CBX1: variants seen among roughly 807,000 people sequenced by gnomAD.
CBX1 encodes chromobox 1.
CBX1 carries 10 observed loss-of-function variants against 25.1 expected under a neutral mutation model. That is an observed-to-expected ratio of 0.40 (90% CI 0.25 to 0.68). The LOEUF (loss-of-function observed/expected upper bound fraction) is 0.68, where lower values mean the gene tolerates loss of function less well. CBX1 is among the 30% of genes least tolerant of loss of function. The pLI is 0.40. For missense variants in CBX1, 106 were observed against 218.5 expected (o/e 0.49, Z 3.25); for synonymous variants, 63 against 79.4 (o/e 0.79, Z 1.10).
intron 1 of CBX1, among the ~76,000 whole-genome samples, chr17:48,090,075 TTTGTA>T (rs2063336394): frequency 2.0e-5 from 3 of 151,590 alleles, no homozygotes; most frequent in Admixed American, 2.0e-4. Context: ...CTGGCTAATT[TTTGTA>T]TTTTTAGTAG....
intron 1 of CBX1, among the ~76,000 whole-genome samples, chr17:48,080,944 A>T (rs2037726803): frequency 2.2e-5 from 1 of 45,028 alleles, no homozygotes; most frequent in Non-Finnish European, 3.8e-5. Context: ...AAAAAAAAAA[A>T]AAAAAAAATA....
At chr17:48,080,951 A>AAATAT (rs1567765514) in intron 1 of CBX1, among the ~76,000 whole-genome samples, 3 of 33,274 alleles carry the variant, frequency 9.0e-5, no homozygotes, top group Non-Finnish European at 1.6e-4. Context: ...AAAAAAAAAA[A>AAATAT]ATATATATAT....
chr17:48,099,271 T>C (rs1298539564), intron 1 of CBX1, among the ~76,000 whole-genome samples: 1 of 152,048 alleles, frequency 6.6e-6, no homozygotes, highest in East Asian at 1.9e-4. Context: ...CCCAGCTAAT[T>C]TTGTATTTTT....
chr17:48,080,190 C>T (rs1488906947), intron 1 of CBX1, among the ~76,000 whole-genome samples: 1 of 152,084 alleles, frequency 6.6e-6, no homozygotes, highest in Non-Finnish European at 1.5e-5. Context: ...GCACCTGCCA[C>T]CAGGCCCAGT....
chr17:48,090,696 C>T, intron 1 of CBX1, among the ~76,000 whole-genome samples: 1 of 152,290 alleles, frequency 6.6e-6, no homozygotes, highest in South Asian at 2.1e-4. Context: ...CATTACCTTG[C>T]GCTTTGCCCA....
chr17:48,089,880 G>A (rs1325160030), intron 1 of CBX1, among the ~76,000 whole-genome samples: 1 of 151,348 alleles, frequency 6.6e-6, no homozygotes, highest in Non-Finnish European at 1.5e-5. Context: ...AAGAAAGGAA[G>A]TAAATTCTGG....
intron 1 of CBX1, among the ~76,000 whole-genome samples, chr17:48,091,988 T>C (rs2063346620): frequency 1.5e-5 from 2 of 135,866 alleles, no homozygotes; most frequent in East Asian, 2.1e-4. Flanking sequence ...CAGATCTTTT[T>C]TTTTTTTTTT....
At chr17:48,078,766 G>A (rs1418296863) in intron 1 of CBX1, among the ~76,000 whole-genome samples, 2 of 148,784 alleles carry the variant, frequency 1.3e-5, no homozygotes, top group South Asian at 2.1e-4. Context: ...GGGATTACAA[G>A]CGTGAGCCAC....
At chr17:48,079,143 C>G (rs1382971578) in intron 1 of CBX1, among the ~76,000 whole-genome samples, 1 of 149,242 alleles carries the variant, frequency 6.7e-6, no homozygotes, top group Non-Finnish European at 1.5e-5. Context: ...GAGTCTCACT[C>G]CAGCCGGGCT....
At chr17:48,091,914 G>A (rs2063345747) in intron 1 of CBX1, among the ~76,000 whole-genome samples, 1 of 151,034 alleles carries the variant, frequency 6.6e-6, no homozygotes, top group South Asian at 2.1e-4. Context: ...CCTGACCTCA[G>A]GTGATCCACT....
chr17:48,098,009 C>G (rs1308012721), intron 1 of CBX1, among the ~76,000 whole-genome samples: 1 of 152,152 alleles, frequency 6.6e-6, no homozygotes, highest in Non-Finnish European at 1.5e-5. Flanking sequence ...CGGCCAGTTG[C>G]ACAGCCTGTA....
At chr17:48,076,749 C>A in intron 2 of CBX1, 116 bp downstream of exon 2, 1 of 844,094 alleles carries the variant, frequency 1.2e-6, no homozygotes, top group East Asian at 2.7e-5. Context: ...AAACAATAAG[C>A]CATGAAGGTG....
At chr17:48,084,211 T>C (rs1463307390) in intron 1 of CBX1, among the ~76,000 whole-genome samples, 2 of 79,280 alleles carry the variant, frequency 2.5e-5, no homozygotes, top group Non-Finnish European at 5.9e-5. Context: ...CCTTTTTTTT[T>C]TTTTTTTTTT....
chr17:48,087,267 C>T (rs986087153), intron 1 of CBX1, among the ~76,000 whole-genome samples: 1 of 151,352 alleles, frequency 6.6e-6, no homozygotes, highest in Non-Finnish European at 1.5e-5. Flanking sequence ...ATCAGAATCA[C>T]CTATGGAGTT....
chr17:48,080,952 ATATATATATATATATAT>A (rs1369796034), intron 1 of CBX1, among the ~76,000 whole-genome samples: 28 of 8,956 alleles, frequency 3.1e-3, no homozygotes, highest in South Asian at 8.5e-3. Context: ...AAAAAAAAAA[ATATATATATATATATAT>A]ATATATATAT....
intron 1 of CBX1, among the ~76,000 whole-genome samples, chr17:48,098,727 C>T (rs2063389831): frequency 6.6e-6 from 1 of 152,118 alleles, no homozygotes; most frequent in Non-Finnish European, 1.5e-5. Context: ...CATAAACTAG[C>T]AATTAGCCTT....
At chr17:48,085,702 T>C (rs886596629) in intron 1 of CBX1, among the ~76,000 whole-genome samples, 3 of 152,248 alleles carry the variant, frequency 2.0e-5, no homozygotes, top group East Asian at 1.9e-4. Context: ...AAGTGCTACA[T>C]AGTGTAGAAT....
intron 1 of CBX1, among the ~76,000 whole-genome samples, chr17:48,078,687 A>G (rs1050755266): frequency 6.7e-6 from 1 of 150,142 alleles, no homozygotes; most frequent in Non-Finnish European, 1.5e-5. Context: ...ACGGGGTTTA[A>G]CCACGTTGGC....
At position 48,078,646 on chromosome 17, in the gene CBX1, C is replaced by T. The variant is rs565695928; in HGVS notation, c.-37-1605G>A. Among the ~76,000 whole-genome samples, 41 of 151,526 alleles carry T rather than the reference C, an allele frequency of 2.7e-4. 2 individuals carry two copies. The South Asian group carries it at 7.3e-3, about 27-fold the overall frequency. The stretch of plus-strand genomic sequence containing the variant: ...TTGGTTTTACAGGTGCCCGCCATTA[C>T]GCCTGGCTAATTTCTATATTTTTAG... On this transcript the variant is annotated intron_variant, in intron 1 of 4. Coordinates refer to ENST00000225603, the MANE Select transcript of CBX1 (RefSeq NM_001127228.2).
Sources: gnomAD v4.1 joint callset for allele counts (sites outside exome capture counted in the v4.1 genomes callset) on GRCh38, gnomAD v4.1.1 for gene constraint, MANE v1.5 for transcripts, NCBI Gene and HGNC (gene_info 2026-07-23, HGNC 2026-07-21) for gene names.